Variants in SDK1 observed in about 807,000 individuals in gnomAD.
SDK1 encodes the protein sidekick cell adhesion molecule 1.
Under a neutral mutation model 245.5 loss-of-function variants are expected in SDK1, and 157 were observed. The observed-to-expected ratio is 0.64, with a 90% CI of 0.56 to 0.73. The LOEUF (loss-of-function observed/expected upper bound fraction) is 0.73, where lower values mean the gene tolerates loss of function less well. Ranked by LOEUF, SDK1 falls within the 30% of genes least tolerant of loss-of-function variation. SDK1 has a pLI of 0.00. For missense variants in SDK1, 3,583 were observed against 3,002.3 expected (o/e 1.19, Z -4.52); for synonymous variants, 1,647 against 1,278.5 (o/e 1.29, Z -6.15).
chr7:3,419,186 G>C (rs1361891327), intron 1 of SDK1, among the ~76,000 whole-genome samples: 1 of 152,186 alleles, frequency 6.6e-6, no homozygotes, highest in African/African-American at 2.4e-5. Context: ...ATCCTGTAAG[G>C]AATCAGTCCT....
chr7:3,779,003 T>G (rs1258493344), intron 4 of SDK1, among the ~76,000 whole-genome samples: 1 of 152,226 alleles, frequency 6.6e-6, no homozygotes, highest in African/African-American at 2.4e-5. Context: ...CAGCTTTTAT[T>G]GCATGACACT....
At chr7:4,098,127 T>C (rs1284668302) in intron 22 of SDK1, among the ~76,000 whole-genome samples, 1 of 152,176 alleles carries the variant, frequency 6.6e-6, no homozygotes, top group Non-Finnish European at 1.5e-5. Context: ...AAAATCTATA[T>C]GAGATGAATG....
chr7:3,444,107 T>G (rs1011144851), intron 1 of SDK1, among the ~76,000 whole-genome samples: 6 of 152,236 alleles, frequency 3.9e-5, no homozygotes, highest in Non-Finnish European at 8.8e-5. Context: ...ACGTTGCTGT[T>G]TCCCTTTTTA....
At chr7:3,920,729 C>A (rs1779556268) in intron 5 of SDK1, among the ~76,000 whole-genome samples, 1 of 151,576 alleles carries the variant, frequency 6.6e-6, no homozygotes, top group Admixed American at 6.6e-5. Context: ...GATAAGATGA[C>A]CCAGGGTAAA....
chr7:4,156,732 T>G (rs1322890774), intron 30 of SDK1, among the ~76,000 whole-genome samples: 3 of 152,188 alleles, frequency 2.0e-5, no homozygotes, highest in Non-Finnish European at 4.4e-5. Flanking sequence ...TGCATAAACC[T>G]GATGGGCATG....
intron 1 of SDK1, among the ~76,000 whole-genome samples, chr7:3,368,105 A>T (rs1212100905): frequency 2.0e-5 from 3 of 152,244 alleles, no homozygotes; most frequent in African/African-American, 7.2e-5. Context: ...TTGTAAGTAT[A>T]TTATTGACTT....
intron 1 of SDK1, among the ~76,000 whole-genome samples, chr7:3,364,947 A>G (rs1414009805): frequency 2.0e-5 from 3 of 152,166 alleles, no homozygotes; most frequent in Non-Finnish European, 4.4e-5. Flanking sequence ...TTTCATCAGC[A>G]TTTTTAGTTT....
chr7:3,777,253 C>T (rs549254153), intron 4 of SDK1, among the ~76,000 whole-genome samples: 1 of 152,302 alleles, frequency 6.6e-6, no homozygotes, highest in South Asian at 2.1e-4. Flanking sequence ...AAGTGACTTT[C>T]GTTCCAGCCT....
chr7:3,545,707 A>C (rs914089462), intron 1 of SDK1, among the ~76,000 whole-genome samples: 4 of 152,224 alleles, frequency 2.6e-5, no homozygotes, highest in Non-Finnish European at 4.4e-5. Context: ...AGAGCTGGGC[A>C]CAGAATTGGT....
At position 4,186,616 on chromosome 7, in the gene SDK1, C is replaced by CAGCT. The variant is rs1435290706; in HGVS notation, c.5098+8031_5098+8034dup. ...CGGTCCTGGGGGCTTCTGGGGCCTA[C>CAGCT]AGCTGGGAAGCTGGGTTGGGGTGAA... is the stretch of plus-strand genomic sequence containing the variant. On this transcript the variant is annotated intron_variant, in intron 35 of 44. Transcript: ENST00000404826. Among the ~76,000 whole-genome samples, 3 of 152,184 alleles carry CAGCT rather than the reference C, an allele frequency of 2.0e-5. No homozygotes were observed. The East Asian group carries it at 5.8e-4, about 29-fold the overall frequency.
intron 1 of SDK1, among the ~76,000 whole-genome samples, chr7:3,535,851 A>G (rs1778869998): frequency 6.6e-6 from 1 of 152,078 alleles, no homozygotes; most frequent in Non-Finnish European, 1.5e-5. Context: ...ATGTGTCAAT[A>G]TTTGCACATA....
At chr7:3,447,173 A>G (rs1217687861) in intron 1 of SDK1, among the ~76,000 whole-genome samples, 1 of 152,196 alleles carries the variant, frequency 6.6e-6, no homozygotes, top group Non-Finnish European at 1.5e-5. Context: ...GTCTTAGTAT[A>G]TTAGATATTA....
intron 5 of SDK1, among the ~76,000 whole-genome samples, chr7:3,833,745 C>T (rs1186085066): frequency 3.9e-5 from 6 of 152,168 alleles, no homozygotes; most frequent in Admixed American, 3.3e-4. Context: ...ATGTATGAAG[C>T]GAATAGGCAG....
chr7:3,418,151 A>C (rs1305795334), intron 1 of SDK1, among the ~76,000 whole-genome samples: 5 of 55,266 alleles, frequency 9.0e-5, no homozygotes, highest in Admixed American at 2.7e-4. Flanking sequence ...AAATGAAAAA[A>C]AAAAAAAAAA....
At chr7:3,853,596 G>C (rs999318275) in intron 5 of SDK1, among the ~76,000 whole-genome samples, 3 of 152,046 alleles carry the variant, frequency 2.0e-5, no homozygotes, top group Non-Finnish European at 4.4e-5. Context: ...AATATTTGCA[G>C]AATACATACC....
intron 7 of SDK1, among the ~76,000 whole-genome samples, chr7:3,957,229 A>G (rs1326794033): frequency 6.6e-6 from 1 of 152,164 alleles, no homozygotes; most frequent in Non-Finnish European, 1.5e-5. Context: ...GGACACGTGG[A>G]CCTACACACG....
intron 14 of SDK1, among the ~76,000 whole-genome samples, chr7:3,994,682 G>T (rs1486528236): frequency 1.3e-5 from 2 of 150,220 alleles, no homozygotes; most frequent in Non-Finnish European, 3.0e-5. Flanking sequence ...TGTAATTCTT[G>T]ACTCCTTCAC....
intron 1 of SDK1, among the ~76,000 whole-genome samples, chr7:3,365,750 A>G (rs1781071026): frequency 1.3e-5 from 2 of 152,216 alleles, no homozygotes; most frequent in South Asian, 4.2e-4. Flanking sequence ...TCTTTTTTCC[A>G]GGCTGGGCGT....
chr7:3,802,444 A>C (rs1459396357), intron 4 of SDK1, among the ~76,000 whole-genome samples: 3 of 152,114 alleles, frequency 2.0e-5, no homozygotes, highest in South Asian at 4.2e-4. Context: ...CTGAGGTGGG[A>C]GGATCACTTG....
Sources: gnomAD v4.1 joint callset for allele counts (sites outside exome capture counted in the v4.1 genomes callset) on GRCh38, gnomAD v4.1.1 for gene constraint, MANE v1.5 for transcripts, NCBI Gene and HGNC (gene_info 2026-07-23, HGNC 2026-07-21) for gene names.